Variants in SYT9 observed in about 807,000 individuals in gnomAD.
The protein encoded by SYT9 is synaptotagmin 9.
SYT9 carries 22 observed loss-of-function variants against 48.4 expected under a neutral mutation model. The ratio of observed to expected loss-of-function variants is 0.45; its 90% CI spans 0.32 to 0.65. The LOEUF is 0.65. SYT9 is among the 30% of genes least tolerant of loss of function. SYT9 has a pLI of 0.03. For synonymous variants in SYT9, 265 were observed against 245.0 expected, an observed-to-expected ratio of 1.08 and a Z score of -0.76; for missense variants, 577 against 622.0, an observed-to-expected ratio of 0.93 and a Z score of 0.77.
intron 3 of SYT9, among the ~76,000 whole-genome samples, chr11:7,358,705 C>T (rs968366539): frequency 2.0e-5 from 3 of 152,100 alleles, no homozygotes; most frequent in Non-Finnish European, 4.4e-5. Context: ...TTTACATTTT[C>T]CATTTCCATC....
intron 6 of SYT9, among the ~76,000 whole-genome samples, chr11:7,429,181 G>A (rs528660201): frequency 6.6e-6 from 1 of 152,258 alleles, no homozygotes; most frequent in East Asian, 1.9e-4. Flanking sequence ...TGATTCTAGG[G>A]AGCCTGGCTC....
chr11:7,353,023 A>G (rs898128672), intron 3 of SYT9, among the ~76,000 whole-genome samples: 2 of 152,232 alleles, frequency 1.3e-5, no homozygotes, highest in Admixed American at 1.3e-4. Flanking sequence ...GTAAATATAC[A>G]TATATGGGGT....
chr11:7,383,898 C>T (rs536209432), intron 3 of SYT9, among the ~76,000 whole-genome samples: 24 of 152,300 alleles, frequency 1.6e-4, no homozygotes, highest in Admixed American at 3.9e-4. Context: ...GGTTAGACTT[C>T]TAACCTCAAT....
In SYT9 at chr11:7,252,084, G is replaced by C; in HGVS notation, c.-103G>C. The C allele has an allele frequency of 7.9e-7, 1 of 1,260,392 alleles. No individual in the cohort carries two copies. The highest frequency in any genetic ancestry group is 3.0e-4 in the Middle Eastern group (1 of 3,364). 78.1% of individuals were successfully genotyped at this position (1,260,392 alleles called of 1,614,324 possible). ...CGCACCGTTTCTCGGCAGGTCCCTG[G>C]CGGTGAGCGCGGACGGCCCGGAGGC... is the stretch of plus-strand genomic sequence containing the variant. On this transcript the variant is annotated 5_prime_UTR_variant, in exon 1 of 7. Transcript: ENST00000318881. The surrounding 1 kb of genome is among the most constrained non-coding windows in gnomAD (Gnocchi z 6.3).
At chr11:7,381,513 C>T (rs555711596) in intron 3 of SYT9, among the ~76,000 whole-genome samples, 3 of 152,140 alleles carry the variant, frequency 2.0e-5, no homozygotes, top group African/African-American at 7.2e-5. Context: ...ACAGTGGGCC[C>T]CTATGGAGCA....
At chr11:7,398,774 A>G (rs1243025031) in intron 3 of SYT9, among the ~76,000 whole-genome samples, 3 of 152,324 alleles carry the variant, frequency 2.0e-5, no homozygotes, top group African/African-American at 7.2e-5. Context: ...CAACAAATGG[A>G]AAATTCCACA....
chr11:7,324,188 T>C (rs75632699), intron 3 of SYT9, among the ~76,000 whole-genome samples: 2,933 of 151,998 alleles, frequency 0.019, 95 homozygotes, highest in African/African-American at 0.068. Context: ...TTATTTCATC[T>C]ATGTTTTGAA....
chr11:7,395,697 T>G (rs1011454116), intron 3 of SYT9, among the ~76,000 whole-genome samples: 4 of 152,126 alleles, frequency 2.6e-5, no homozygotes, highest in Admixed American at 1.3e-4. Flanking sequence ...CGTAATAGAT[T>G]TTTCTCCATC....
At chr11:7,294,822 G>T (rs1442113810) in intron 1 of SYT9, among the ~76,000 whole-genome samples, 2 of 152,180 alleles carry the variant, frequency 1.3e-5, no homozygotes, top group Non-Finnish European at 2.9e-5. Flanking sequence ...GAAGACAATT[G>T]CCATCCCTTT....
At chr11:7,337,978 ATC>A (rs1470625212) in intron 3 of SYT9, among the ~76,000 whole-genome samples, 1 of 152,086 alleles carries the variant, frequency 6.6e-6, no homozygotes, top group Non-Finnish European at 1.5e-5. Flanking sequence ...TCGGCTATGA[ATC>A]TCTCTGTCCC....
In SYT9 at chr11:7,303,041, A is replaced by G. The variant is rs1848953059; in HGVS notation, c.148A>G (p.Ile50Val). The G allele has an allele frequency of 6.2e-7, 1 of 1,613,582 alleles. No homozygotes were observed. Among genetic ancestry groups the G allele is most frequent in the Non-Finnish European group, 8.5e-7 (1 of 1,179,530 alleles). The part of the protein sequence containing the change: ...RARPRLRDPD[I>V]SVSLLTLVVT... The stretch of plus-strand genomic sequence containing the variant: ...CTTTGATCTTTGCTTCTTTGCAGAT[A>G]TCTCAGTGAGCCTGCTGACCCTTGT... Residue 50 changes from isoleucine to valine, a missense_variant and splice_region_variant, in exon 2 of 7, where the codon ATC (isoleucine) becomes GTC (valine). By Grantham distance (29) the Ile-to-Val change is conservative. Coordinates refer to ENST00000318881, the MANE Select transcript of SYT9 (RefSeq NM_175733.4).
At chr11:7,241,245 C>T (rs1847737290) in intron 1 of SYT9, among the ~76,000 whole-genome samples, 1 of 147,104 alleles carries the variant, frequency 6.8e-6, no homozygotes, top group African/African-American at 2.6e-5. Flanking sequence ...CACGCACACA[C>T]TCACCCCCCC....
At chr11:7,378,775 G>T (rs993093674) in intron 3 of SYT9, among the ~76,000 whole-genome samples, 3 of 152,060 alleles carry the variant, frequency 2.0e-5, no homozygotes, top group African/African-American at 7.2e-5. Flanking sequence ...TCTTTAGAAG[G>T]CATCTTTACT....
At chr11:7,335,656 T>G (rs1389534391) in intron 3 of SYT9, among the ~76,000 whole-genome samples, 1 of 152,196 alleles carries the variant, frequency 6.6e-6, no homozygotes, top group African/African-American at 2.4e-5. Context: ...TCATTCTTTT[T>G]TATGGATGCA....
intron 3 of SYT9, among the ~76,000 whole-genome samples, chr11:7,336,787 A>G (rs1232966281): frequency 6.6e-6 from 1 of 151,854 alleles, no homozygotes; most frequent in Non-Finnish European, 1.5e-5. Context: ...GGAATGTGAT[A>G]CCTCCAGCTT....
At chr11:7,264,845 G>T (rs1020028181) in intron 1 of SYT9, among the ~76,000 whole-genome samples, 1 of 152,082 alleles carries the variant, frequency 6.6e-6, no homozygotes, top group Non-Finnish European at 1.5e-5. Flanking sequence ...TGGAGAGAGT[G>T]ACAGTAAGCG....
In SYT9 at chr11:7,320,470, T is replaced by C. The variant is rs558248298; in HGVS notation, c.1044+6529T>C. Among the ~76,000 whole-genome samples, 39 of 152,342 alleles carry C rather than the reference T, an allele frequency of 2.6e-4. 2 individuals are homozygous for C. In the South Asian group the frequency reaches 7.7e-3, roughly 30 times the overall value. On this transcript the variant is annotated intron_variant, in intron 3 of 6. Transcript: ENST00000318881. The stretch of plus-strand genomic sequence containing the variant: ...TTTTGTGTATTTGTTCAATTTTCTT[T>C]CTATAAGTGCAAAACCCACATTTGG...
intron 3 of SYT9, among the ~76,000 whole-genome samples, chr11:7,339,002 T>A (rs762102535): frequency 6.6e-6 from 1 of 152,128 alleles, no homozygotes; most frequent in Non-Finnish European, 1.5e-5. Context: ...CTCTTAAGAA[T>A]TTGCTTTATG....
chr11:7,420,846 G>T (rs1847341444), intron 6 of SYT9, among the ~76,000 whole-genome samples: 1 of 152,132 alleles, frequency 6.6e-6, no homozygotes, highest in African/African-American at 2.4e-5. Flanking sequence ...ATTGATCAGA[G>T]ATCATCCCTC....
Sources: gnomAD v4.1 joint callset for allele counts (sites outside exome capture counted in the v4.1 genomes callset) on GRCh38, gnomAD v4.1.1 for gene constraint, Gnocchi (gnomAD v3.1) non-coding constraint, MANE v1.5 for transcripts, NCBI Gene and HGNC (gene_info 2026-07-23, HGNC 2026-07-21) for gene names.